The following GALNT17 variants were observed in gnomAD, a reference collection of about 807,000 sequenced individuals.
The protein encoded by GALNT17 is UDP-GalNAc:polypeptide N-acetylgalactosaminyltransferase-like 3.
In GALNT17, 29 loss-of-function variants were observed where a neutral mutation model predicts 63.7. That is an observed-to-expected ratio of 0.46 (90% CI 0.34 to 0.62). GALNT17 has a LOEUF of 0.62. GALNT17 is among the 20% of genes least tolerant of loss of function. The pLI, the probability that GALNT17 is intolerant of heterozygous loss-of-function variation, is 0.01. For synonymous variants in GALNT17, 305 were observed against 318.3 expected, an observed-to-expected ratio of 0.96 and a Z score of 0.45; for missense variants, 603 against 799.6, an observed-to-expected ratio of 0.75 and a Z score of 2.97.
At chr7:71,399,137 G>A (rs1257906687) in intron 3 of GALNT17, among the ~76,000 whole-genome samples, 2 of 152,228 alleles carry the variant, frequency 1.3e-5, no homozygotes, top group African/African-American at 4.8e-5. Flanking sequence ...AGGAGGCTGA[G>A]GCAGCAGAAT....
intron 9 of GALNT17, among the ~76,000 whole-genome samples, chr7:71,697,829 A>T (rs1791567122): frequency 6.6e-6 from 1 of 152,156 alleles, no homozygotes; most frequent in Non-Finnish European, 1.5e-5. Flanking sequence ...CTCATAAGAA[A>T]GTGGTTGTAT....
chr7:71,524,001 C>G (rs2116760135), intron 5 of GALNT17, among the ~76,000 whole-genome samples: 1 of 150,306 alleles, frequency 6.7e-6, no homozygotes, highest in East Asian at 2.0e-4. Flanking sequence ...GCCTGTAATC[C>G]CAGCTACTCG....
chr7:71,630,341 A>G (rs1182027622), intron 6 of GALNT17, among the ~76,000 whole-genome samples: 1 of 152,202 alleles, frequency 6.6e-6, no homozygotes, highest in Admixed American at 6.5e-5. Flanking sequence ...AAAAAAGCCA[A>G]GGATAAACTC....
intron 5 of GALNT17, among the ~76,000 whole-genome samples, chr7:71,551,450 T>C (rs189582168): frequency 3.3e-4 from 50 of 152,316 alleles, no homozygotes; most frequent in Admixed American, 9.8e-4. Flanking sequence ...TGCCTCTCTT[T>C]TGTTGTCTGT....
At chr7:71,696,197 T>G (rs1791540666) in intron 9 of GALNT17, among the ~76,000 whole-genome samples, 1 of 152,092 alleles carries the variant, frequency 6.6e-6, no homozygotes, top group African/African-American at 2.4e-5. Context: ...ACTGCAGCCT[T>G]AAGTTCCTGG....
intron 3 of GALNT17, among the ~76,000 whole-genome samples, chr7:71,399,285 C>A (rs141566296): frequency 1.3e-5 from 2 of 152,280 alleles, no homozygotes; most frequent in African/African-American, 4.8e-5. Context: ...CGATCAGTTT[C>A]TTTTCAAATA....
chr7:71,585,143 CCTTT>C (rs1382009748), intron 6 of GALNT17, among the ~76,000 whole-genome samples: 4 of 151,944 alleles, frequency 2.6e-5, no homozygotes, highest in Admixed American at 6.6e-5. Flanking sequence ...TTTATTTTTT[CCTTT>C]CTTTCTTTTT....
intron 1 of GALNT17, among the ~76,000 whole-genome samples, chr7:71,226,370 A>G (rs1277015746): frequency 4.6e-5 from 7 of 152,208 alleles, no homozygotes; most frequent in African/African-American, 1.7e-4. Flanking sequence ...GGAGAGCAGC[A>G]GAGCAAAGTT....
At chr7:71,570,315 A>G (rs1789418133) in intron 5 of GALNT17, among the ~76,000 whole-genome samples, 1 of 152,046 alleles carries the variant, frequency 6.6e-6, no homozygotes, top group Non-Finnish European at 1.5e-5. Flanking sequence ...TTTATGATGG[A>G]TACCTTTAGG....
intron 1 of GALNT17, among the ~76,000 whole-genome samples, chr7:71,304,733 C>CA (rs1791258998): frequency 6.6e-6 from 1 of 151,970 alleles, no homozygotes; most frequent in African/African-American, 2.4e-5. Flanking sequence ...GTTTTACCTA[C>CA]AAGTCCTGTA....
chr7:71,273,487 T>C (rs1790629096), intron 1 of GALNT17, among the ~76,000 whole-genome samples: 1 of 152,238 alleles, frequency 6.6e-6, no homozygotes, highest in Admixed American at 6.5e-5. Context: ...TGTAGTATTT[T>C]TGTCTGTCTG....
chr7:71,711,067 T>C lies in GALNT17; in HGVS notation c.1668+139T>C, dbSNP rs1399428547. On this transcript the variant is annotated intron_variant, in intron 10 of 10. Coordinates refer to ENST00000333538, the MANE Select transcript of GALNT17 (RefSeq NM_022479.3). ...GTCTCCCTGCCCCGGGCTGGGCTTG[T>C]GGACCCAAAGCACTTCCTGGGGGCA... 5.9e-6 allele frequency: 7 copies of C among 1,190,374 alleles called. No individual in the cohort carries two copies. In the African/African-American group the frequency reaches 9.2e-5, roughly 16 times the overall value. 73.7% of individuals were successfully genotyped at this position (1,190,374 alleles called of 1,614,324 possible). A position where few individuals can be genotyped will look rare whatever the true frequency, so the allele number is the denominator to read the frequency against.
intron 4 of GALNT17, among the ~76,000 whole-genome samples, chr7:71,416,365 A>G (rs2116437822): frequency 6.6e-6 from 1 of 152,270 alleles, no homozygotes; most frequent in East Asian, 1.9e-4. Context: ...TAATCCCTAC[A>G]CTTTAGGAGC....
intron 9 of GALNT17, among the ~76,000 whole-genome samples, chr7:71,691,607 A>G (rs1791443913): frequency 6.6e-6 from 1 of 152,218 alleles, no homozygotes; most frequent in African/African-American, 2.4e-5. Context: ...TGACAGACAT[A>G]AATTGTTTTC....
In GALNT17 at chr7:71,414,994, T is replaced by A. The variant is rs571353894; in HGVS notation, c.590-895T>A. ...CACACAAAGTATCACTTTTTTTTTTTAAATGCCTTTAGTTTTATTTATTCT... is the reference window on the plus strand; with the variant it reads ...CACACAAAGTATCACTTTTTTTTTTAAAATGCCTTTAGTTTTATTTATTCT... On this transcript the variant is annotated intron_variant, in intron 3 of 10. Transcript: ENST00000333538. Among the ~76,000 whole-genome samples, 13 of 151,662 alleles carry A rather than the reference T, an allele frequency of 8.6e-5. No homozygotes were observed. The East Asian group carries it at 1.5e-3, about 18-fold the overall frequency.
At chr7:71,380,493 A>T (rs1792824832) in intron 2 of GALNT17, among the ~76,000 whole-genome samples, 1 of 151,568 alleles carries the variant, frequency 6.6e-6, no homozygotes, top group African/African-American at 2.4e-5. Flanking sequence ...CTAATTTTTT[A>T]AATGTTTTTG....
intron 1 of GALNT17, among the ~76,000 whole-genome samples, chr7:71,286,146 T>G (rs1790868826): frequency 6.6e-6 from 1 of 152,174 alleles, no homozygotes; most frequent in South Asian, 2.1e-4. Context: ...CAGAAGCATA[T>G]GATTGTGTGC....
intron 2 of GALNT17, among the ~76,000 whole-genome samples, chr7:71,360,369 G>T (rs1792374925): frequency 6.6e-6 from 1 of 152,190 alleles, no homozygotes; most frequent in South Asian, 2.1e-4. Flanking sequence ...GTGATTTCCA[G>T]TTCAGATGAG....
chr7:71,485,094 C>T (rs904091149), intron 5 of GALNT17, among the ~76,000 whole-genome samples: 1 of 150,564 alleles, frequency 6.6e-6, no homozygotes, highest in Non-Finnish European at 1.5e-5. Context: ...CAGGTGTGAG[C>T]CACCATGCCC....
Sources: allele counts gnomAD v4.1 joint callset (sites outside exome capture counted in the v4.1 genomes callset), GRCh38; gene constraint gnomAD v4.1.1; transcripts MANE v1.5; gene names NCBI Gene and HGNC (gene_info 2026-07-23, HGNC 2026-07-21).